The following BAG4 variants were observed in gnomAD, a reference collection of about 807,000 sequenced individuals.
BAG4 encodes BAG cochaperone 4.
In BAG4, 28 loss-of-function variants were observed where a neutral mutation model predicts 52.1. That is an observed-to-expected ratio of 0.54 (90% CI 0.40 to 0.74). BAG4 has a LOEUF of 0.74. Ranked by LOEUF, BAG4 falls within the 30% of genes least tolerant of loss-of-function variation. The pLI, the probability that BAG4 is intolerant of heterozygous loss-of-function variation, is 0.00. For synonymous variants in BAG4, 208 were observed against 217.0 expected (o/e 0.96, Z 0.37); for missense variants, 525 against 572.0 (o/e 0.92, Z 0.84).
At chr8:38,205,866 C>T (rs1299707840) in intron 2 of BAG4, among the ~76,000 whole-genome samples, 5 of 151,256 alleles carry the variant, frequency 3.3e-5, no homozygotes, top group Non-Finnish European at 5.9e-5. Flanking sequence ...TAATAGAACA[C>T]GTTGAGGTGA....
At chr8:38,188,286 T>A (rs1480285069) in intron 1 of BAG4, among the ~76,000 whole-genome samples, 1 of 150,810 alleles carries the variant, frequency 6.6e-6, no homozygotes, top group Non-Finnish European at 1.5e-5. Context: ...GATTAAGCAA[T>A]CTAGTCAGAA....
chr8:38,177,079 T>G lies in BAG4; in HGVS notation c.210T>G (p.Asp70Glu), dbSNP rs1162076581. 2.5e-6 allele frequency: 4 copies of G among 1,612,250 alleles called. No individual in the cohort carries two copies. In the South Asian group the frequency reaches 4.4e-5, roughly 18 times the overall value. The change falls in exon 1 of 5, where the codon GAT (aspartate) becomes GAG (glutamate). Residue 70 changes from aspartate to glutamate, a missense_variant. Asp to Glu is a conservative substitution (Grantham distance 45). Transcript: ENST00000287322. ...GGCTGGGAGAAGGCGGAGGAGGCGATGGCTACTATCCCTCGGGAGGCGCCT... is the reference window on the plus strand; with the variant it reads ...GGCTGGGAGAAGGCGGAGGAGGCGAGGGCTACTATCCCTCGGGAGGCGCCT... ...TTWLGEGGGG[D>E]GYYPSGGAWP...
At chr8:38,200,009 C>CT (rs58025410) in intron 2 of BAG4, among the ~76,000 whole-genome samples, 2,996 of 141,278 alleles carry the variant, frequency 0.021, 56 homozygotes, top group African/African-American at 0.044. Flanking sequence ...TTGGTACCCC[C>CT]TTTTTTTTTT....
chr8:38,189,669 A>G (rs185974365), intron 1 of BAG4, among the ~76,000 whole-genome samples: 4 of 152,322 alleles, frequency 2.6e-5, no homozygotes, highest in East Asian at 1.9e-4. Context: ...CAGCTCCCAT[A>G]TAAGATAATG....
rs1803870241 is a variant in BAG4, at chr8:38,211,591, A to G, written c.*1098A>G. Reference sequence around the variant, plus strand: ...TCAGCTCAGTTTATAGTTAAAAACAATGAGGGTAAAATGGGATTCATGCTC... The same window carrying G: ...TCAGCTCAGTTTATAGTTAAAAACAGTGAGGGTAAAATGGGATTCATGCTC... On this transcript the variant is annotated 3_prime_UTR_variant, in exon 5 of 5. Coordinates refer to ENST00000287322, the MANE Select transcript of BAG4 (RefSeq NM_004874.4). The G allele has an allele frequency of 6.6e-6, 1 of 152,080 alleles. No homozygotes were observed. The highest frequency in any genetic ancestry group is 6.6e-5 in the Admixed American group (1 of 15,262). The allele number at this position is 152,080 out of a possible 1,614,324, so 9.4% of individuals were successfully genotyped here.
intron 1 of BAG4, among the ~76,000 whole-genome samples, chr8:38,190,401 C>G (rs1347107039): frequency 6.6e-6 from 1 of 152,006 alleles, no homozygotes; most frequent in African/African-American, 2.4e-5. Flanking sequence ...GAATTATATT[C>G]TGTGTGTGGT....
In BAG4 at chr8:38,209,025, A is replaced by C; in HGVS notation, c.646A>C (p.Thr216Pro). Residue 216 changes from threonine to proline, a missense_variant, in exon 4 of 5, where the codon ACC (threonine) becomes CCC (proline). Physicochemically the swap from Thr to Pro is conservative, Grantham distance 38. Around this residue, in one of 2 missense-constraint regions of BAG4, gnomAD observed 238 missense variants for 305.8 expected, o/e 0.78. Coordinates refer to ENST00000287322, the MANE Select transcript of BAG4 (RefSeq NM_004874.4). ...GYPPSQNPGM[T>P]LPHYPYGDGN... The stretch of plus-strand genomic sequence containing the variant: ...CTTCTCAATCTAGAACCCTGGAATG[A>C]CCCTGCCCCATTATCCTTATGGAGA... The C allele has an allele frequency of 6.2e-7, 1 of 1,613,848 alleles. No homozygotes were observed.
At chr8:38,198,240 C>G (rs568403768) in intron 2 of BAG4, among the ~76,000 whole-genome samples, 2 of 150,458 alleles carry the variant, frequency 1.3e-5, no homozygotes, top group Non-Finnish European at 3.0e-5. Flanking sequence ...AAAAATTAGC[C>G]GGGCGAGGTG....
In BAG4 at chr8:38,209,105, G is replaced by A. The variant is rs140078461; in HGVS notation, c.726G>A (p.Ala242=). 9.3e-6 allele frequency: 15 copies of A among 1,614,010 alleles called. No individual in the cohort carries two copies. Among genetic ancestry groups the A allele is most frequent in the Admixed American group, 8.3e-5 (5 of 59,988 alleles). Residue 242 remains alanine, a synonymous_variant, in exon 4 of 5, where the codon GCG becomes GCA. Coordinates refer to ENST00000287322, the MANE Select transcript of BAG4 (RefSeq NM_004874.4). The part of the protein sequence containing the change: ...SGPTVRPQED[A]WASPGAYGMG... ...CGACTGTACGACCACAAGAAGATGC[G>A]TGGGCTTCTCCTGGTGCTTATGGAA...
intron 1 of BAG4, among the ~76,000 whole-genome samples, chr8:38,184,159 A>C (rs1287293755): frequency 6.6e-6 from 1 of 152,134 alleles, no homozygotes; most frequent in Non-Finnish European, 1.5e-5. Context: ...GGTTGGAGTG[A>C]TTATAGCCAG....
chr8:38,209,266 A>G lies in BAG4; in HGVS notation c.887A>G (p.Lys296Arg). 1 of 1,614,158 alleles carries G rather than the reference A, an allele frequency of 6.2e-7. No homozygotes were observed. Among genetic ancestry groups the G allele is most frequent in the Non-Finnish European group, 8.5e-7 (1 of 1,180,030 alleles). Residue 296 changes from lysine to arginine, a missense_variant and splice_region_variant, in exon 4 of 5, where the codon AAG becomes AGG. Around this residue, in one of 2 missense-constraint regions of BAG4, gnomAD observed 238 missense variants for 305.8 expected, o/e 0.78. Transcript: ENST00000287322. ...CCTTCACCCCCAGTCCAGCAGCCCA[A>G]GGTAGGAGACCTAAATGTTGTTCCT... ...SPPSPPVQQP[K>R]DSSYPYSQSD...
intron 4 of BAG4, 84 bp downstream of exon 4, chr8:38,209,351 T>C (rs529570662): frequency 2.5e-5 from 39 of 1,550,310 alleles, no homozygotes; most frequent in Non-Finnish European, 3.4e-5. Flanking sequence ...TACTGGTTTG[T>C]GTTAAATGGG....
intron 1 of BAG4, among the ~76,000 whole-genome samples, chr8:38,187,029 A>G (rs1330045276): frequency 1.3e-5 from 2 of 152,246 alleles, no homozygotes; most frequent in Non-Finnish European, 2.9e-5. Context: ...AGTTTCCAAC[A>G]AAGAATTATG....
intron 2 of BAG4, among the ~76,000 whole-genome samples, chr8:38,204,620 A>G (rs1803737422): frequency 6.6e-6 from 1 of 151,264 alleles, no homozygotes; most frequent in Non-Finnish European, 1.5e-5. Flanking sequence ...GCGTGACCTC[A>G]TTTCTATTTA....
At chr8:38,193,538 AT>A (rs1430307597) in intron 2 of BAG4, among the ~76,000 whole-genome samples, 2 of 152,140 alleles carry the variant, frequency 1.3e-5, no homozygotes, top group Admixed American at 6.6e-5. Flanking sequence ...TTGAAGCCCA[AT>A]GACACTTCTT....
At chr8:38,206,214 G>T (rs566151434) in intron 2 of BAG4, among the ~76,000 whole-genome samples, 58 of 151,024 alleles carry the variant, frequency 3.8e-4, no homozygotes, top group Non-Finnish European at 7.2e-4. Context: ...GGTGGAGGTT[G>T]CAGTGAGCCA....
chr8:38,190,202 C>T (rs879637226), intron 1 of BAG4, among the ~76,000 whole-genome samples: 1 of 152,114 alleles, frequency 6.6e-6, no homozygotes, highest in Non-Finnish European at 1.5e-5. Context: ...GTGACAATAT[C>T]GGTTCCCAAT....
chr8:38,193,161 G>A (rs1303854124), intron 2 of BAG4, among the ~76,000 whole-genome samples: 1 of 152,004 alleles, frequency 6.6e-6, no homozygotes, highest in African/African-American at 2.4e-5. Context: ...GCTCACAGCT[G>A]TAATCCCAGC....
chr8:38,192,828 T>C (rs1803498537), intron 2 of BAG4, 33 bp downstream of exon 2: 1 of 1,481,004 alleles, frequency 6.8e-7, no homozygotes. Flanking sequence ...TTCTGAACTT[T>C]TTCTTAATGA....
Sources: gnomAD v4.1 joint callset for allele counts (sites outside exome capture counted in the v4.1 genomes callset) on GRCh38, gnomAD v4.1.1 for gene constraint, gnomAD v4.1.1 regional missense constraint, MANE v1.5 for transcripts, NCBI Gene and HGNC (gene_info 2026-07-23, HGNC 2026-07-21) for gene names.